The following MCF2L2 variants were observed in gnomAD, a reference collection of about 807,000 sequenced individuals.
MCF2L2 encodes the protein MCF.2 cell line derived transforming sequence-like 2, also known as probable guanine nucleotide exchange factor MCF2L2.
MCF2L2 carries 102 observed loss-of-function variants against 150.2 expected under a neutral mutation model. The observed-to-expected ratio is 0.68, with a 90% CI of 0.58 to 0.80. The LOEUF is 0.80. Ranked by LOEUF, MCF2L2 falls within the 30% of genes least tolerant of loss-of-function variation. The pLI is 0.00. For missense variants in MCF2L2, 1,256 were observed against 1,372.8 expected (o/e 0.91, Z 1.34); for synonymous variants, 465 against 491.3 (o/e 0.95, Z 0.71).
intron 1 of MCF2L2, among the ~76,000 whole-genome samples, chr3:183,423,145 G>A (rs1241990790): frequency 6.6e-6 from 1 of 152,142 alleles, no homozygotes; most frequent in Admixed American, 6.5e-5. Context: ...GGGGGAACAT[G>A]TCCAGCCATC....
intron 22 of MCF2L2, among the ~76,000 whole-genome samples, chr3:183,211,989 T>C (rs979305423): frequency 5.3e-5 from 8 of 152,100 alleles, no homozygotes; most frequent in Non-Finnish European, 1.2e-4. Flanking sequence ...TGGGTTAGGA[T>C]GGGTCCAAAT....
rs185227693 is a variant in MCF2L2 at position 183,310,389 on chromosome 3, C to T, written c.993+526G>A. 1,065 of 177,530 alleles carry T rather than the reference C, an allele frequency of 6.0e-3. 5 individuals are homozygous for T. Among genetic ancestry groups the T allele is most frequent in the Middle Eastern group, 8.0e-3 (3 of 374 alleles). 11.0% of individuals were successfully genotyped at this position (177,530 alleles called of 1,614,324 possible). ...TGGTGGTGGGCACCTGTAGTCCCAGCTACTCAGGAGGCTGAGGCAGGAGAA... is the reference window on the plus strand; with the variant it reads ...TGGTGGTGGGCACCTGTAGTCCCAGTTACTCAGGAGGCTGAGGCAGGAGAA... On this transcript the variant is annotated intron_variant, in intron 9 of 29. Transcript: ENST00000328913.
At chr3:183,244,623 C>T (rs560971468) in intron 15 of MCF2L2, among the ~76,000 whole-genome samples, 7 of 152,214 alleles carry the variant, frequency 4.6e-5, no homozygotes, top group South Asian at 2.1e-4. Flanking sequence ...AACTTAAAGA[C>T]GATCCAGCTC....
intron 5 of MCF2L2, among the ~76,000 whole-genome samples, chr3:183,325,034 G>A (rs553237202): frequency 0.15 from 18,438 of 120,566 alleles, 1,248 homozygotes; most frequent in African/African-American, 0.21. Context: ...AAAAACCAAA[G>A]CATGTTCTCA....
intron 6 of MCF2L2, among the ~76,000 whole-genome samples, chr3:183,320,475 T>C (rs1268457773): frequency 6.6e-6 from 1 of 152,208 alleles, no homozygotes; most frequent in East Asian, 1.9e-4. Context: ...CTTGCACTTG[T>C]ATGTTACAGA....
chr3:183,322,336 C>A (rs1387016833), intron 6 of MCF2L2, among the ~76,000 whole-genome samples: 1 of 152,224 alleles, frequency 6.6e-6, no homozygotes, highest in Non-Finnish European at 1.5e-5. Flanking sequence ...CGGGGTTTCT[C>A]AGCATTGGCT....
chr3:183,428,206 C>G lies in MCF2L2; in HGVS notation c.-229G>C. ...GTCTGGCGCTTTCCCAGCGTCGCAG[C>G]TGGACCGAGAGAGGAGCGGCCGTTC... On this transcript the variant is annotated 5_prime_UTR_variant, in exon 1 of 30. Coordinates refer to ENST00000328913, the MANE Select transcript of MCF2L2 (RefSeq NM_015078.4). The surrounding 1 kb of genome is among the most constrained non-coding windows in gnomAD (Gnocchi z 5.1). 1.9e-6 allele frequency: 1 copy of G among 517,406 alleles called. No homozygotes were observed. The highest frequency in any genetic ancestry group is 3.4e-6 in the Non-Finnish European group (1 of 295,818). The allele number at this position is 517,406 out of a possible 1,614,324, so 32.1% of individuals were successfully genotyped here. A position where few individuals can be genotyped will look rare whatever the true frequency, so the allele number is the denominator to read the frequency against.
intron 6 of MCF2L2, among the ~76,000 whole-genome samples, chr3:183,319,005 T>C (rs1729707160): frequency 6.6e-6 from 1 of 152,228 alleles, no homozygotes; most frequent in Non-Finnish European, 1.5e-5. Flanking sequence ...AACAATGAAG[T>C]TGCCACATCA....
intron 15 of MCF2L2, among the ~76,000 whole-genome samples, chr3:183,235,524 C>T (rs1160777091): frequency 2.5e-5 from 1 of 40,222 alleles, no homozygotes; most frequent in African/African-American, 2.1e-4. Flanking sequence ...TCATGTCCTT[C>T]GCCCACTTTT....
At chr3:183,302,703 T>C (rs1236921374) in intron 10 of MCF2L2, among the ~76,000 whole-genome samples, 2 of 152,056 alleles carry the variant, frequency 1.3e-5, no homozygotes, top group Non-Finnish European at 2.9e-5. Flanking sequence ...ACTCGACCCT[T>C]CTCTGGATTG....
At chr3:183,223,568 C>T in intron 19 of MCF2L2, 130 bp from the exon 20 acceptor site, 1 of 664,058 alleles carries the variant, frequency 1.5e-6, no homozygotes, top group Non-Finnish European at 2.7e-6. Flanking sequence ...CGAGCAGCTC[C>T]ATAAGGCTGT....
At position 183,427,984 on chromosome 3, in the gene MCF2L2, GA is replaced by G; in HGVS notation, c.-8del. 2 of 1,610,080 alleles carry G rather than the reference GA, an allele frequency of 1.2e-6. No homozygotes were observed. The highest frequency in any genetic ancestry group is 1.7e-6 in the Non-Finnish European group (2 of 1,176,456). On this transcript the variant is annotated 5_prime_UTR_variant, in exon 1 of 30. An upstream open reading frame in the 5' UTR loses its in-frame stop. Coordinates refer to ENST00000328913, the MANE Select transcript of MCF2L2 (RefSeq NM_015078.4). Reference sequence around the variant, plus strand: ...CTTTTAAGCAAGACAGCATTTCACTGAAAAACCATTCCGTATAAATAAAGCC... The same window carrying G: ...CTTTTAAGCAAGACAGCATTTCACTGAAAACCATTCCGTATAAATAAAGCC...
At chr3:183,299,934 G>T in intron 11 of MCF2L2, 71 bp downstream of exon 11, 1 of 1,504,874 alleles carries the variant, frequency 6.6e-7, no homozygotes. Context: ...AAGGAAGGGA[G>T]GACGAGTATG....
chr3:183,420,459 G>A (rs1299684074), intron 1 of MCF2L2, among the ~76,000 whole-genome samples: 9 of 152,134 alleles, frequency 5.9e-5, no homozygotes, highest in Non-Finnish European at 1.3e-4. Flanking sequence ...TTAGCCGGGC[G>A]TTGTGGCGGT....
chr3:183,229,110 C>T (rs900614153), intron 17 of MCF2L2, among the ~76,000 whole-genome samples: 5 of 152,018 alleles, frequency 3.3e-5, no homozygotes, highest in Non-Finnish European at 4.4e-5. Flanking sequence ...GTCATCATAG[C>T]GAATAAAGAG....
chr3:183,183,599 G>A (rs1305676554), intron 27 of MCF2L2, among the ~76,000 whole-genome samples: 6 of 152,182 alleles, frequency 3.9e-5, no homozygotes, highest in African/African-American at 1.4e-4. Flanking sequence ...TTAACCTCTT[G>A]AGCATCAGCT....
chr3:183,246,566 C>A (rs976095882), intron 15 of MCF2L2, among the ~76,000 whole-genome samples: 2 of 152,156 alleles, frequency 1.3e-5, no homozygotes, highest in Non-Finnish European at 2.9e-5. Context: ...GTGTCTACCA[C>A]ATTTTGCTTA....
chr3:183,397,647 T>A (rs1467133814), intron 1 of MCF2L2, among the ~76,000 whole-genome samples: 2 of 152,108 alleles, frequency 1.3e-5, no homozygotes, highest in Non-Finnish European at 2.9e-5. Flanking sequence ...ATGAATAAGA[T>A]TGGGTTGGTA....
At chr3:183,193,517 AT>A (rs1402249606) in intron 26 of MCF2L2, among the ~76,000 whole-genome samples, 24 of 151,856 alleles carry the variant, frequency 1.6e-4, no homozygotes, top group Admixed American at 7.2e-4. Flanking sequence ...CACCCAGCTA[AT>A]TTTTGTATTT....
Sources: allele counts gnomAD v4.1 joint callset (sites outside exome capture counted in the v4.1 genomes callset), GRCh38; gene constraint gnomAD v4.1.1; non-coding constraint Gnocchi (gnomAD v3.1); transcripts MANE v1.5; gene names NCBI Gene and HGNC (gene_info 2026-07-23, HGNC 2026-07-21).